The following STON2 variants were observed in gnomAD, a reference collection of about 807,000 sequenced individuals.
STON2 encodes stonin-2.
Under a neutral mutation model 65.7 loss-of-function variants are expected in STON2, and 29 were observed. The ratio of observed to expected loss-of-function variants is 0.44; its 90% CI spans 0.33 to 0.60. The LOEUF is 0.60. Among genes scored for constraint, STON2 ranks in the 20% least tolerant of loss-of-function variants. The probability of loss-of-function intolerance (pLI) is 0.03; values close to 1 mark genes in which losing one functional copy is unlikely to be tolerated. For missense variants in STON2, 1,054 were observed against 1,118.1 expected (o/e 0.94, Z 0.82); for synonymous variants, 404 against 414.2 (o/e 0.98, Z 0.30).
At chr14:81,388,423 T>C (rs1249649337) in intron 3 of STON2, among the ~76,000 whole-genome samples, 2 of 152,226 alleles carry the variant, frequency 1.3e-5, no homozygotes, top group African/African-American at 4.8e-5. Flanking sequence ...CTCCTGGTTT[T>C]CCAATCAACC....
At chr14:81,430,334 A>T (rs761872721) in intron 1 of STON2, among the ~76,000 whole-genome samples, 1 of 152,228 alleles carries the variant, frequency 6.6e-6, no homozygotes, top group Non-Finnish European at 1.5e-5. Flanking sequence ...TGAGCATAAT[A>T]CTTCTCTGAA....
intron 5 of STON2, among the ~76,000 whole-genome samples, chr14:81,295,360 T>C (rs891682603): frequency 1.3e-5 from 2 of 152,272 alleles, no homozygotes; most frequent in South Asian, 2.1e-4. Context: ...TAGAAGATTA[T>C]AAATATGGAG....
At chr14:81,429,363 G>A (rs1018205388) in intron 1 of STON2, among the ~76,000 whole-genome samples, 10 of 152,206 alleles carry the variant, frequency 6.6e-5, no homozygotes, top group African/African-American at 2.4e-4. Context: ...GACTGCAAGT[G>A]GAGTAGGACC....
At chr14:81,294,199 G>A (rs2140164484) in intron 5 of STON2, among the ~76,000 whole-genome samples, 1 of 152,240 alleles carries the variant, frequency 6.6e-6, no homozygotes, top group East Asian at 1.9e-4. Context: ...TTTCAGTTTT[G>A]TTATGCCTCT....
chr14:81,269,458 T>C lies in STON2; in HGVS notation c.2785-961A>G, dbSNP rs78064742. 45 of 985,456 alleles carry C rather than the reference T, an allele frequency of 4.6e-5. No homozygotes were observed. The East Asian group carries it at 1.8e-3, about 40-fold the overall frequency. The allele number at this position is 985,456 out of a possible 1,614,324, so 61.0% of individuals were successfully genotyped here. On this transcript the variant is annotated intron_variant, in intron 7 of 7. Coordinates refer to ENST00000614646, the MANE Select transcript of STON2 (RefSeq NM_001394390.1). Reference sequence around the variant, plus strand: ...AAGTAATACATCTCAACCGAAATCTTTGATAGCTCAGGCAAGGAATTCTTT... The same window carrying C: ...AAGTAATACATCTCAACCGAAATCTCTGATAGCTCAGGCAAGGAATTCTTT...
At chr14:81,374,742 G>A (rs932056473) in intron 3 of STON2, among the ~76,000 whole-genome samples, 6 of 152,168 alleles carry the variant, frequency 3.9e-5, no homozygotes, top group African/African-American at 1.4e-4. Context: ...ACGGAGGGCA[G>A]CGTGAGACAG....
Position 81,277,998 on chromosome 14 carries a change from T to G in STON2, c.1484A>C (p.Lys495Thr), listed in dbSNP as rs765566338. 6.2e-7 allele frequency: 1 copy of G among 1,614,172 alleles called. No individual in the cohort carries two copies. Among genetic ancestry groups the G allele is most frequent in the Non-Finnish European group, 8.5e-7 (1 of 1,180,022 alleles). ...CCAGTGCCTGGAGGACATGATGTTT[T>G]TCTTCTCAGGGATCCTCAACATCAT... ...WPMMLRIPEK[K>T]NIMSSRHWGP... is the part of the protein sequence containing the mutation. The change falls in exon 6 of 8, where the codon AAA becomes ACA. Residue 495 changes from lysine (K) to threonine (T), a missense_variant. Physicochemically the swap from Lys to Thr is moderately conservative, Grantham distance 78. Coordinates refer to ENST00000614646, the MANE Select transcript of STON2 (RefSeq NM_001394390.1).
At chr14:81,436,345 C>T (rs1318517576) in exon 1 of STON2, 1 of 151,572 alleles carries the variant, frequency 6.6e-6, no homozygotes, top group Admixed American at 6.6e-5. Flanking sequence ...GCAGGGTCCC[C>T]GGCGTCCGCC....
At chr14:81,270,447 A>G in intron 7 of STON2, 1 of 1,464,034 alleles carries the variant, frequency 6.8e-7, no homozygotes, top group Non-Finnish European at 9.0e-7. Context: ...CTCCTCTTTG[A>G]TGAGCCTCTT....
chr14:81,335,567 T>G (rs1327100730), intron 4 of STON2, among the ~76,000 whole-genome samples: 3 of 152,156 alleles, frequency 2.0e-5, no homozygotes, highest in Non-Finnish European at 4.4e-5. Flanking sequence ...GATACCCTGC[T>G]GCAGGAAAAG....
At chr14:81,405,802 G>A (rs1049405726) in intron 2 of STON2, among the ~76,000 whole-genome samples, 2 of 152,188 alleles carry the variant, frequency 1.3e-5, no homozygotes, top group Non-Finnish European at 2.9e-5. Flanking sequence ...TGATTGGACT[G>A]AAGGATGCAA....
chr14:81,275,444 G>A (rs144009807), intron 6 of STON2, among the ~76,000 whole-genome samples: 1,989 of 151,996 alleles, frequency 0.013, 18 homozygotes, highest in Non-Finnish European at 0.02. Context: ...TTGAAAATCC[G>A]GTAATTCCAT....
In STON2 at chr14:81,262,019, T is replaced by G. The variant is rs1159887341; in HGVS notation, c.*6395A>C. On this transcript the variant is annotated 3_prime_UTR_variant, in exon 8 of 8. Coordinates refer to ENST00000614646, the MANE Select transcript of STON2 (RefSeq NM_001394390.1). Reference sequence around the variant, plus strand: ...AGGTGATTTTTCCAATCTTCAAAATTTAAATTTCTTGGTTCTTATAAACAT... The same window carrying G: ...AGGTGATTTTTCCAATCTTCAAAATGTAAATTTCTTGGTTCTTATAAACAT... 18 of 1,368,822 alleles carry G rather than the reference T, an allele frequency of 1.3e-5. No homozygotes were observed. The highest frequency in any genetic ancestry group is 1.7e-5 in the Non-Finnish European group (18 of 1,066,310). 84.8% of individuals were successfully genotyped at this position (1,368,822 alleles called of 1,614,324 possible). A position where few individuals can be genotyped will look rare whatever the true frequency, so the allele number is the denominator to read the frequency against.
intron 2 of STON2, chr14:81,418,299 G>A (rs1267835246): frequency 2.0e-5 from 3 of 152,216 alleles, no homozygotes; most frequent in Non-Finnish European, 4.4e-5. Flanking sequence ...ATCAGATCTT[G>A]TGAGACTTAT....
At position 81,303,061 on chromosome 14, in the gene STON2, T is replaced by G. The variant is rs74065077; in HGVS notation, c.742+20956A>C. ...AGTGAGGGTGTACATGTGTGGGGGG[T>G]GTGTGTGTGTGTGTGTGTGTGTGTA... On this transcript the variant is annotated intron_variant, in intron 5 of 7. Coordinates refer to ENST00000614646, the MANE Select transcript of STON2 (RefSeq NM_001394390.1). Among the ~76,000 whole-genome samples, 477 of 135,338 alleles carry G rather than the reference T, an allele frequency of 3.5e-3. 3 individuals carry two copies. The highest frequency in any genetic ancestry group is 0.011 in the East Asian group (56 of 4,884). 88.8% of individuals were successfully genotyped at this position (135,338 alleles called of 152,430 possible). A position where few individuals can be genotyped will look rare whatever the true frequency, so the allele number is the denominator to read the frequency against.
At chr14:81,342,403 G>C (rs910817146) in intron 4 of STON2, among the ~76,000 whole-genome samples, 1 of 152,162 alleles carries the variant, frequency 6.6e-6, no homozygotes, top group African/African-American at 2.4e-5. Context: ...CCAAAGTGCT[G>C]GGATTACAGG....
chr14:81,261,016 G>C lies in STON2; in HGVS notation c.*7398C>G, dbSNP rs1312256263. ...TCTGTCATCGCCTGGCTAAAACACTGATTTTGATTAATCTCTTGAATACGG... is the reference window on the plus strand; with the variant it reads ...TCTGTCATCGCCTGGCTAAAACACTCATTTTGATTAATCTCTTGAATACGG... On this transcript the variant is annotated 3_prime_UTR_variant, in exon 8 of 8. Transcript: ENST00000614646. 6.6e-6 allele frequency: 1 copy of C among 152,160 alleles called. No individual in the cohort carries two copies. The allele number at this position is 152,160 out of a possible 1,614,324, so 9.4% of individuals were successfully genotyped here.
chr14:81,402,869 T>C (rs923982134), upstream of STON2, among the ~76,000 whole-genome samples: 3 of 152,198 alleles, frequency 2.0e-5, no homozygotes, highest in Non-Finnish European at 2.9e-5. Flanking sequence ...AAAATGGCTA[T>C]GCTACAGCTC....
intron 5 of STON2, among the ~76,000 whole-genome samples, chr14:81,302,515 T>C (rs1435700098): frequency 6.6e-6 from 1 of 152,274 alleles, no homozygotes; most frequent in Admixed American, 6.5e-5. Context: ...TGACTGGTTC[T>C]ATACTGACAT....
Sources: allele counts gnomAD v4.1 joint callset (sites outside exome capture counted in the v4.1 genomes callset), GRCh38; gene constraint gnomAD v4.1.1; transcripts MANE v1.5; gene names NCBI Gene and HGNC (gene_info 2026-07-23, HGNC 2026-07-21).